ANGPTL7: variants seen among roughly 807,000 people sequenced by gnomAD.
ANGPTL7 encodes angiopoietin-related protein 7.
In ANGPTL7, 37 loss-of-function variants were observed where a neutral mutation model predicts 38.8. The observed-to-expected ratio is 0.95, with a 90% CI of 0.73 to 1.25. The LOEUF (loss-of-function observed/expected upper bound fraction) is 1.25. Ranked by LOEUF, ANGPTL7 falls within the 50% of genes most tolerant of loss-of-function variation. The probability of loss-of-function intolerance (pLI) is 0.00; values close to 1 mark genes in which losing one functional copy is unlikely to be tolerated. For missense variants in ANGPTL7, 427 were observed against 438.6 expected (o/e 0.97, Z 0.24); for synonymous variants, 166 against 163.2 (o/e 1.02, Z -0.13).
Position 11,189,885 on chromosome 1 carries a change from C to G in ANGPTL7, c.306C>G (p.Tyr102Ter), listed in dbSNP as rs1293980632. The G allele has an allele frequency of 2.5e-6, 4 of 1,614,042 alleles. No homozygotes were observed. Among genetic ancestry groups the G allele is most frequent in the Admixed American group, 3.3e-5 (2 of 60,012 alleles). ...GGCTCACAGATGCTGAGAGCAAGTA[C>G]TCCGAGATGAACAACCAAATTGACA... ...ESRLTDAESKYSEMNNQIDIM... is the reference protein window; with the variant it reads ...ESRLTDAESK Residue 102 changes from tyrosine (Y) to a stop codon, truncating the protein, a stop_gained, in exon 1 of 5, where the codon TAC becomes TAG. Coordinates refer to ENST00000376819, the MANE Select transcript of ANGPTL7 (RefSeq NM_021146.4). LOFTEE classifies it high-confidence loss of function.
intron 2 of ANGPTL7, 90 bp from the exon 3 acceptor site, chr1:11,193,490 G>T: frequency 8.2e-7 from 1 of 1,214,054 alleles, no homozygotes; most frequent in Non-Finnish European, 1.1e-6. Flanking sequence ...TACTGGCTCT[G>T]CAGGGACAGG....
chr1:11,193,551 C>T (rs931903043), intron 2 of ANGPTL7, 29 bp from the exon 3 acceptor site: 1 of 1,549,784 alleles, frequency 6.5e-7, no homozygotes, highest in Non-Finnish European at 8.7e-7. Flanking sequence ...CCCTGCAAGT[C>T]CCTCACCAGA....
rs369585521 is a variant in ANGPTL7, at chr1:11,189,726, G to A, written c.147G>A (p.Val49=). The A allele has an allele frequency of 7.4e-6, 12 of 1,614,048 alleles. No individual in the cohort carries two copies. The African/African-American group carries it at 1.3e-4, about 18-fold the overall frequency. ...QLKAANCCEE[V]KELKAQVANL... ...AAGCGGCCAACTGCTGTGAGGAGGTGAAGGAGCTCAAGGCCCAAGTTGCCA... is the reference window on the plus strand; with the variant it reads ...AAGCGGCCAACTGCTGTGAGGAGGTAAAGGAGCTCAAGGCCCAAGTTGCCA... The change falls in exon 1 of 5, where the codon GTG becomes GTA. Residue 49 remains valine, a synonymous_variant. Transcript: ENST00000376819.
chr1:11,194,604 C>T lies in ANGPTL7; in HGVS notation c.816C>T (p.Ser272=). The T allele has an allele frequency of 6.2e-7, 1 of 1,614,230 alleles. No individual in the cohort carries two copies. The highest frequency in any genetic ancestry group is 1.1e-5 in the South Asian group (1 of 91,084). ...AGTATCATAACAACACAGCCTTCAG[C>T]ACCAAGGACAAGGACAATGACAACT... ...ALQYHNNTAF[S]TKDKDNDNCL... Residue 272 remains serine, a synonymous_variant, in exon 4 of 5, where the codon AGC becomes AGT. Transcript: ENST00000376819.
Position 11,193,955 on chromosome 1 carries a change from C to T in ANGPTL7, c.672+181C>T, listed in dbSNP as rs1051627648. On this transcript the variant is annotated intron_variant, in intron 3 of 4. Coordinates refer to ENST00000376819, the MANE Select transcript of ANGPTL7 (RefSeq NM_021146.4). Reference sequence around the variant, plus strand: ...GGTATTTTTCCTTTCTGCAACCCCCCCAACCCCCCGACAAAAGTGGGGCTG... The same window carrying T: ...GGTATTTTTCCTTTCTGCAACCCCCTCAACCCCCCGACAAAAGTGGGGCTG... Among the ~76,000 whole-genome samples the T allele has an allele frequency of 9.8e-4, 149 of 152,208 alleles. 1 individual carries two copies. The highest frequency in any genetic ancestry group is 5.2e-3 in the South Asian group (25 of 4,828).
Position 11,193,688 on chromosome 1 carries a change from G to A in ANGPTL7, c.586G>A (p.Gly196Ser). Residue 196 changes from glycine (G) to serine (S), a missense_variant, in exon 3 of 5, where the codon GGC becomes AGC. Transcript: ENST00000376819. ...CTGGAAGCAGTACAAGCAGGGCTTT[G>A]GCAGCATCCGTGGGGACTTCTGGCT... The part of the protein sequence containing the change: ...RDWKQYKQGF[G>S]SIRGDFWLGN... The A allele has an allele frequency of 6.2e-7, 1 of 1,614,136 alleles. No homozygotes were observed. Among genetic ancestry groups the A allele is most frequent in the Non-Finnish European group, 8.5e-7 (1 of 1,180,016 alleles).
Position 11,192,284 on chromosome 1 carries a change from T to C in ANGPTL7, c.391T>C (p.Cys131Arg), listed in dbSNP as rs1183802138. Residue 131 changes from cysteine (C) to arginine (R), a missense_variant, in exon 2 of 5, where the codon TGC becomes CGC. Transcript: ENST00000376819. ...TTCTCTTGTAGATGCCATCTACGAC[T>C]GCTCTTCCCTCTACCAGAAGAACTA... The part of the protein sequence containing the change: ...TQTSADAIYD[C>R]SSLYQKNYRI... 3 of 1,613,690 alleles carry C rather than the reference T, an allele frequency of 1.9e-6. No individual in the cohort carries two copies. Among genetic ancestry groups the C allele is most frequent in the South Asian group, 1.1e-5 (1 of 91,072 alleles).
At chr1:11,192,171 G>T in intron 1 of ANGPTL7, 99 bp from the exon 2 acceptor site, 1 of 895,762 alleles carries the variant, frequency 1.1e-6, no homozygotes, top group South Asian at 1.5e-5. Flanking sequence ...TAACACCACT[G>T]AGAATCCCAG....
intron 2 of ANGPTL7, among the ~76,000 whole-genome samples, chr1:11,193,366 C>T (rs1042135004): frequency 2.5e-4 from 38 of 152,108 alleles, no homozygotes; most frequent in Non-Finnish European, 5.9e-5. Flanking sequence ...CACTCACCCC[C>T]GGGCCCAATT....
At chr1:11,190,003 C>T in intron 1 of ANGPTL7, 48 bp downstream of exon 1, 1 of 1,558,618 alleles carries the variant, frequency 6.4e-7, no homozygotes. Flanking sequence ...TCCCCATCTA[C>T]AGCACTGCTT....
At chr1:11,190,069 C>T (rs1645469151) in intron 1 of ANGPTL7, 114 bp downstream of exon 1, 1 of 1,281,086 alleles carries the variant, frequency 7.8e-7, no homozygotes, top group African/African-American at 1.5e-5. Flanking sequence ...GGTACACTTT[C>T]CCTTTAGTAA....
chr1:11,189,535 A>G lies in ANGPTL7; in HGVS notation c.-45A>G, dbSNP rs747605106. On this transcript the variant is annotated 5_prime_UTR_variant, in exon 1 of 5. Coordinates refer to ENST00000376819, the MANE Select transcript of ANGPTL7 (RefSeq NM_021146.4). ...TTGCAGACCTCAGCTGGGCATCTCC[A>G]GACTCCCCTGAAGGAAGAGCCTTCC... The G allele has an allele frequency of 2.6e-6, 4 of 1,541,148 alleles. No individual in the cohort carries two copies. The South Asian group carries it at 5.1e-5, about 20-fold the overall frequency.
intron 1 of ANGPTL7, among the ~76,000 whole-genome samples, chr1:11,190,310 T>G (rs563633352): frequency 3.9e-5 from 6 of 152,252 alleles, no homozygotes; most frequent in South Asian, 2.1e-4. Flanking sequence ...CTCAAGAAAT[T>G]CCAAGGAAGC....
Position 11,195,187 on chromosome 1 carries a change from A to AACAT in ANGPTL7, c.*164_*165insACAT. On this transcript the variant is annotated 3_prime_UTR_variant, in exon 5 of 5. Transcript: ENST00000376819. ...CAAGGAGCACAAAAAAATCATATGT[A>AACAT]CCAAGGATGTTACAGTAAACAGGAT... The AACAT allele has an allele frequency of 1.3e-6, 1 of 759,578 alleles. No individual in the cohort carries two copies. Among genetic ancestry groups the AACAT allele is most frequent in the Non-Finnish European group, 2.1e-6 (1 of 479,058 alleles). The allele number at this position is 759,578 out of a possible 1,614,324, so 47.1% of individuals were successfully genotyped here.
intron 2 of ANGPTL7, among the ~76,000 whole-genome samples, chr1:11,192,923 T>C (rs1014577183): frequency 6.6e-6 from 1 of 152,168 alleles, no homozygotes; most frequent in African/African-American, 2.4e-5. Flanking sequence ...ATCATTCTTA[T>C]AACCACCACA....
intron 1 of ANGPTL7, among the ~76,000 whole-genome samples, chr1:11,191,324 A>G (rs1035732313): frequency 6.6e-6 from 1 of 152,172 alleles, no homozygotes; most frequent in African/African-American, 2.4e-5. Flanking sequence ...TTTCACCACT[A>G]AGACGAAATG....
intron 4 of ANGPTL7, 76 bp from the exon 5 acceptor site, chr1:11,194,778 C>G (rs1645716207): frequency 7.5e-6 from 12 of 1,597,426 alleles, no homozygotes; most frequent in Non-Finnish European, 1.0e-5. Flanking sequence ...TCTTTCTGAC[C>G]CTGGCTCTAA....
chr1:11,189,780 C>G lies in ANGPTL7; in HGVS notation c.201C>G (p.Asn67Lys), dbSNP rs778357459. The G allele has an allele frequency of 6.2e-7, 1 of 1,614,184 alleles. No homozygotes were observed. Among genetic ancestry groups the G allele is most frequent in the East Asian group, 2.2e-5 (1 of 44,880 alleles). The change falls in exon 1 of 5, where the codon AAC (asparagine) becomes AAG (lysine). Residue 67 changes from asparagine (N) to lysine (K), a missense_variant. Transcript: ENST00000376819. ...TTAGCAGCCTGCTGAGTGAACTGAA[C>G]AAGAAGCAGGAGAGGGACTGGGTCA... Reference protein sequence around the residue: ...ANLSSLLSELNKKQERDWVSV... With the variant: ...ANLSSLLSELKKKQERDWVSV...
At chr1:11,192,204 C>T (rs768593216) in intron 1 of ANGPTL7, 66 bp from the exon 2 acceptor site, 2 of 1,212,602 alleles carry the variant, frequency 1.6e-6, no homozygotes, top group Non-Finnish European at 2.4e-6. Context: ...GGCTCAGTCT[C>T]TAAACACTCA....
Sources: gnomAD v4.1 joint callset for allele counts (sites outside exome capture counted in the v4.1 genomes callset) on GRCh38, gnomAD v4.1.1 for gene constraint, MANE v1.5 for transcripts, NCBI Gene and HGNC (gene_info 2026-07-23, HGNC 2026-07-21) for gene names.